Variants in RAB3IL1 observed in about 807,000 individuals in gnomAD.
The protein encoded by RAB3IL1 is guanine nucleotide exchange factor for Rab-3A.
RAB3IL1 carries 37 observed loss-of-function variants against 49.2 expected under a neutral mutation model. That is an observed-to-expected ratio of 0.75 (90% CI 0.58 to 0.99). The LOEUF (loss-of-function observed/expected upper bound fraction) is 0.99. RAB3IL1 is among the 50% of genes least tolerant of loss of function. RAB3IL1 has a pLI of 0.00. For missense variants in RAB3IL1, 484 were observed against 513.0 expected (o/e 0.94, Z 0.55); for synonymous variants, 193 against 213.9 (o/e 0.90, Z 0.85).
At chr11:61,907,869 G>T (rs1308336971) in intron 2 of RAB3IL1, among the ~76,000 whole-genome samples, 185 bp downstream of exon 2, 1 of 152,184 alleles carries the variant, frequency 6.6e-6, no homozygotes, top group Non-Finnish European at 1.5e-5. Context: ...TCAGAGCTCA[G>T]GGCACGTTTG....
chr11:61,935,924 A>G, the RAB3IL1 span, among the ~76,000 whole-genome samples: 1 of 151,898 alleles, frequency 6.6e-6, no homozygotes, highest in African/African-American at 2.4e-5. Flanking sequence ...AAACAAATAG[A>G]AATCCTGGAG....
At chr11:61,914,214 A>T (rs985041413) in intron 1 of RAB3IL1, among the ~76,000 whole-genome samples, 2 of 152,210 alleles carry the variant, frequency 1.3e-5, no homozygotes, top group Non-Finnish European at 2.9e-5. Flanking sequence ...CTTGCTCAGG[A>T]TCACACAGCC....
the RAB3IL1 span, among the ~76,000 whole-genome samples, chr11:61,928,864 G>A: frequency 9.2e-5 from 14 of 152,192 alleles, no homozygotes; most frequent in African/African-American, 3.4e-4. Context: ...GCCACTATGA[G>A]TAAGAATCAA....
At position 61,916,221 on chromosome 11, in the gene RAB3IL1, C is replaced by T. The variant is rs1258197235; in HGVS notation, c.11+1136G>A. ...ATTAGCCGGGTGTGGTGGTGTGTGC[C>T]TGTAGTCGCAGCTACTCAGGAGGCT... On this transcript the variant is annotated intron_variant, in intron 1 of 9. Coordinates refer to ENST00000394836, the MANE Select transcript of RAB3IL1 (RefSeq NM_013401.4). Among the ~76,000 whole-genome samples, 14 of 150,828 alleles carry T rather than the reference C, an allele frequency of 9.3e-5. No individual in the cohort carries two copies. The South Asian group carries it at 2.7e-3, about 29-fold the overall frequency.
At chr11:61,937,911 A>G in the RAB3IL1 span, 1 of 152,158 alleles carries the variant, frequency 6.6e-6, no homozygotes, top group African/African-American at 2.4e-5. Context: ...CTTCAGCAGC[A>G]CATATACTAA....
upstream of RAB3IL1, among the ~76,000 whole-genome samples, chr11:61,921,237 A>G (rs1270483304): frequency 6.6e-6 from 1 of 152,102 alleles, no homozygotes; most frequent in Non-Finnish European, 1.5e-5. Flanking sequence ...ACCACCGCCC[A>G]GGAACAACTC....
the RAB3IL1 span, among the ~76,000 whole-genome samples, chr11:61,940,222 A>C: frequency 0.077 from 11,630 of 152,020 alleles, 524 homozygotes; most frequent in African/African-American, 0.086. Context: ...CTGGCAGATC[A>C]CCTGAGGTCG....
intron 1 of RAB3IL1, among the ~76,000 whole-genome samples, chr11:61,915,986 C>T (rs919562554): frequency 2.7e-5 from 4 of 149,618 alleles, no homozygotes; most frequent in African/African-American, 9.9e-5. Context: ...TGCACTGAGC[C>T]GCGCCACTGC....
intron 1 of RAB3IL1, among the ~76,000 whole-genome samples, chr11:61,911,376 T>G (rs1022926150): frequency 3.3e-5 from 5 of 152,240 alleles, no homozygotes; most frequent in African/African-American, 1.2e-4. Context: ...ACCCTCTTCC[T>G]CCTCATTTCC....
the RAB3IL1 span, among the ~76,000 whole-genome samples, chr11:61,944,913 C>A: frequency 3.3e-5 from 5 of 152,144 alleles, no homozygotes; most frequent in African/African-American, 1.2e-4. Flanking sequence ...GTTGGCCAGG[C>A]TGGTCTTGAA....
upstream of RAB3IL1, chr11:61,920,079 A>G: frequency 7.7e-7 from 1 of 1,294,838 alleles, no homozygotes; most frequent in Non-Finnish European, 9.9e-7. Context: ...AGTTCCCCTC[A>G]AGTACAGGGC....
chr11:61,898,058 C>T lies in RAB3IL1; in HGVS notation c.*220G>A. ...GAAATCCTCCTGGTGGTGGCAGAAC[C>T]CAGTGGGGAAGAGAGGGGGGTCTTG... On this transcript the variant is annotated 3_prime_UTR_variant, in exon 10 of 10. Coordinates refer to ENST00000394836, the MANE Select transcript of RAB3IL1 (RefSeq NM_013401.4). This position sits in a 1 kb window ranked among gnomAD's most constrained non-coding sequence, Gnocchi z 5.1. 3.7e-6 allele frequency: 2 copies of T among 546,440 alleles called. No individual in the cohort carries two copies. The highest frequency in any genetic ancestry group is 6.5e-6 in the Non-Finnish European group (2 of 305,456). The allele number at this position is 546,440 out of a possible 1,614,324, so 33.8% of individuals were successfully genotyped here.
At chr11:61,921,200 G>T (rs1939897811), upstream of RAB3IL1, among the ~76,000 whole-genome samples, 2 of 151,942 alleles carry the variant, frequency 1.3e-5, no homozygotes, top group South Asian at 4.1e-4. Context: ...GAGAGATGGG[G>T]TCTCACTACC....
chr11:61,908,796 G>T (rs888677500), intron 1 of RAB3IL1, among the ~76,000 whole-genome samples: 2 of 152,212 alleles, frequency 1.3e-5, no homozygotes, highest in African/African-American at 4.8e-5. Context: ...CTTTCAGGGT[G>T]GACCAGAGAG....
At chr11:61,920,131 GC>G, upstream of RAB3IL1, 2 of 1,347,122 alleles carry the variant, frequency 1.5e-6, no homozygotes, top group Non-Finnish European at 1.9e-6. Flanking sequence ...TGCACTCATG[GC>G]CAGGAACACG....
chr11:61,939,717 A>G, the RAB3IL1 span, among the ~76,000 whole-genome samples: 1 of 151,834 alleles, frequency 6.6e-6, no homozygotes, highest in Non-Finnish European at 1.5e-5. Flanking sequence ...TTTGGAGGCC[A>G]GTGCGGGGGA....
At chr11:61,942,125 C>T in the RAB3IL1 span, among the ~76,000 whole-genome samples, 7 of 151,772 alleles carry the variant, frequency 4.6e-5, no homozygotes, top group African/African-American at 1.2e-4. Flanking sequence ...GCAGGAGAAT[C>T]GCTTGAAACC....
intron 1 of RAB3IL1, 56 bp downstream of exon 1, chr11:61,917,301 C>T: frequency 7.4e-7 from 1 of 1,354,032 alleles, no homozygotes; most frequent in Non-Finnish European, 9.5e-7. Context: ...CCTCCCGTCC[C>T]GGGAGGCGAC....
At chr11:61,911,316 G>C (rs1939444671) in intron 1 of RAB3IL1, among the ~76,000 whole-genome samples, 1 of 152,196 alleles carries the variant, frequency 6.6e-6, no homozygotes, top group African/African-American at 2.4e-5. Context: ...GGCAGGAGCA[G>C]GAGGGAAGAA....
Sources: allele counts gnomAD v4.1 joint callset (sites outside exome capture counted in the v4.1 genomes callset), GRCh38; gene constraint gnomAD v4.1.1; non-coding constraint Gnocchi (gnomAD v3.1); transcripts MANE v1.5; gene names NCBI Gene and HGNC (gene_info 2026-07-23, HGNC 2026-07-21).